The following TP63 variants were observed in gnomAD, a reference collection of about 807,000 sequenced individuals.
TP63 encodes the protein tumor protein p63, also known as tumor protein 63.
TP63 carries 17 observed loss-of-function variants against 82.8 expected under a neutral mutation model. The ratio of observed to expected loss-of-function variants is 0.21; its 90% confidence interval spans 0.14 to 0.31. The LOEUF (loss-of-function observed/expected upper bound fraction) is 0.31. Among genes scored for constraint, TP63 ranks in the 10% least tolerant of loss-of-function variants. TP63 has a pLI of 1.00. For missense variants in TP63, 648 were observed against 895.3 expected (o/e 0.72, Z 3.52); for synonymous variants, 330 against 321.7 (o/e 1.03, Z -0.28).
At chr3:189,735,365 T>G (rs537502163) in intron 1 of TP63, among the ~76,000 whole-genome samples, 3 of 152,312 alleles carry the variant, frequency 2.0e-5, no homozygotes, top group African/African-American at 4.8e-5. Flanking sequence ...CTTATTTAAG[T>G]TGGTTTCACT....
intron 1 of TP63, among the ~76,000 whole-genome samples, chr3:189,673,732 A>G (rs1401103046): frequency 2.0e-5 from 3 of 152,050 alleles, no homozygotes; most frequent in Non-Finnish European, 1.5e-5. Flanking sequence ...GGTGGGAATC[A>G]CAACTCAATT....
chr3:189,791,278 T>C (rs966258908), intron 3 of TP63, among the ~76,000 whole-genome samples: 2 of 152,108 alleles, frequency 1.3e-5, no homozygotes, highest in Admixed American at 1.3e-4. Context: ...GTAAGTCAAA[T>C]GGGAGAAGCA....
intron 1 of TP63, among the ~76,000 whole-genome samples, chr3:189,667,798 G>C (rs1055259243): frequency 2.6e-5 from 4 of 152,094 alleles, no homozygotes; most frequent in Non-Finnish European, 4.4e-5. Context: ...TCTACAGCAA[G>C]AGACAGCAAA....
rs34836784 is a variant in TP63 at position 189,806,040 on chromosome 3, CTTTTTTTTTTTTT to C, written c.325-2217_325-2205del. On this transcript the variant is annotated intron_variant, in intron 3 of 13. Coordinates refer to ENST00000264731, the MANE Select transcript of TP63 (RefSeq NM_003722.5). ...ACCCAATAAACAACAGAAGCAAACA[CTTTTTTTTTTTTT>C]TTTTTTTTTTTTTTGCCCCTTACAC... Among the ~76,000 whole-genome samples the C allele has an allele frequency of 3.2e-3, 166 of 52,094 alleles. 3 individuals carry two copies. The highest frequency in any genetic ancestry group is 0.013 in the African/African-American group (147 of 11,606). The allele number at this position is 52,094 out of a possible 152,430, so 34.2% of individuals were successfully genotyped here.
chr3:189,834,634 T>C (rs1387755549), intron 4 of TP63, among the ~76,000 whole-genome samples: 1 of 152,218 alleles, frequency 6.6e-6, no homozygotes, highest in Non-Finnish European at 1.5e-5. Context: ...TTCCTAGCAC[T>C]TGGGCTGTGG....
upstream of TP63, among the ~76,000 whole-genome samples, chr3:189,630,285 T>A (rs1413438262): frequency 6.6e-6 from 1 of 152,130 alleles, no homozygotes; most frequent in Admixed American, 6.6e-5. Flanking sequence ...GACCGTTAGA[T>A]ACACAGAGTG....
intron 4 of TP63, among the ~76,000 whole-genome samples, chr3:189,853,366 A>G (rs1032001047): frequency 1.3e-5 from 2 of 152,118 alleles, no homozygotes; most frequent in African/African-American, 4.8e-5. Flanking sequence ...GCTCCCTATT[A>G]TCTCTGATCT....
chr3:189,662,789 A>T (rs1388405134), intron 1 of TP63, among the ~76,000 whole-genome samples: 1 of 152,008 alleles, frequency 6.6e-6, no homozygotes, highest in Non-Finnish European at 1.5e-5. Context: ...TGAAGAGAAC[A>T]TGTTCTTTCC....
chr3:189,849,224 A>T (rs189478148), intron 4 of TP63, among the ~76,000 whole-genome samples: 1 of 152,328 alleles, frequency 6.6e-6, no homozygotes, highest in East Asian at 1.9e-4. Context: ...CCTTTATAAT[A>T]AACCAGTAAA....
At chr3:189,625,635 A>G in the TP63 span, among the ~76,000 whole-genome samples, 132,333 of 152,032 alleles carry the variant, frequency 0.87, 58,808 homozygotes, top group East Asian at 1. Flanking sequence ...CATTTTAGGA[A>G]ATACACACTG....
At chr3:189,673,379 G>C (rs78031409) in intron 1 of TP63, among the ~76,000 whole-genome samples, 3,918 of 152,106 alleles carry the variant, frequency 0.026, 171 homozygotes, top group African/African-American at 0.09. Context: ...TATTATTCTA[G>C]AGGCTCCAGT....
chr3:189,804,094 A>G (rs967861958), intron 3 of TP63, among the ~76,000 whole-genome samples: 3 of 152,166 alleles, frequency 2.0e-5, no homozygotes, highest in African/African-American at 4.8e-5. Flanking sequence ...TGGGGGCTCT[A>G]TGGAGTTCTT....
intron 1 of TP63, among the ~76,000 whole-genome samples, chr3:189,732,480 T>C (rs1410727221): frequency 6.6e-6 from 1 of 152,198 alleles, no homozygotes; most frequent in Admixed American, 6.5e-5. Flanking sequence ...AACAGACCAT[T>C]CAAACACACT....
chr3:189,779,579 A>T (rs1350621798), intron 3 of TP63, among the ~76,000 whole-genome samples: 1 of 152,198 alleles, frequency 6.6e-6, no homozygotes, highest in Non-Finnish European at 1.5e-5. Flanking sequence ...TCTGATATGG[A>T]ATTCCTGCAC....
At chr3:189,740,227 G>A (rs1720885465) in intron 3 of TP63, among the ~76,000 whole-genome samples, 1 of 152,150 alleles carries the variant, frequency 6.6e-6, no homozygotes, top group Non-Finnish European at 1.5e-5. Flanking sequence ...GGTCATTCAA[G>A]GCCTTGGACT....
intron 1 of TP63, among the ~76,000 whole-genome samples, chr3:189,718,081 T>A (rs1243237494): frequency 2.6e-5 from 4 of 152,132 alleles, no homozygotes; most frequent in Non-Finnish European, 4.4e-5. Flanking sequence ...GAGGGTAACC[T>A]ACAAGGATAT....
At chr3:189,857,943 A>C (rs1344273154) in intron 4 of TP63, among the ~76,000 whole-genome samples, 1 of 152,216 alleles carries the variant, frequency 6.6e-6, no homozygotes, top group Non-Finnish European at 1.5e-5. Flanking sequence ...AAAAATTAAA[A>C]ATATAACTAC....
chr3:189,751,537 T>C (rs1280415124), intron 3 of TP63, among the ~76,000 whole-genome samples: 2 of 152,218 alleles, frequency 1.3e-5, no homozygotes, highest in Non-Finnish European at 1.5e-5. Flanking sequence ...TGGTATCTCA[T>C]TGTGGTTTTG....
chr3:189,811,134 ATCAT>A (rs1727518939), intron 4 of TP63, among the ~76,000 whole-genome samples: 1 of 152,184 alleles, frequency 6.6e-6, no homozygotes. Flanking sequence ...TATGGTCTTG[ATCAT>A]TTATGCAAAC....
Sources: gnomAD v4.1 joint callset for allele counts (sites outside exome capture counted in the v4.1 genomes callset) on GRCh38, gnomAD v4.1.1 for gene constraint, MANE v1.5 for transcripts, NCBI Gene and HGNC (gene_info 2026-07-23, HGNC 2026-07-21) for gene names.